Variants in DCP1B observed in about 807,000 individuals in gnomAD.
DCP1B encodes mRNA-decapping enzyme 1B.
A neutral mutation model predicts 60.5 loss-of-function variants in DCP1B; 47 were observed. The ratio of observed to expected loss-of-function variants is 0.78; its 90% CI spans 0.61 to 0.99. DCP1B has a LOEUF of 0.99. Ranked by LOEUF, DCP1B falls within the 50% of genes least tolerant of loss-of-function variation. DCP1B has a pLI of 0.00. For missense variants in DCP1B, 725 were observed against 756.8 expected (o/e 0.96, Z 0.49); for synonymous variants, 267 against 280.3 (o/e 0.95, Z 0.47).
At chr12:1,976,400 A>G (rs1315339756) in intron 3 of DCP1B, among the ~76,000 whole-genome samples, 1 of 152,172 alleles carries the variant, frequency 6.6e-6, no homozygotes, top group Admixed American at 6.5e-5. Context: ...ATGCAGGCTT[A>G]AAAGGAGTCC....
chr12:1,961,291 A>G (rs2031115978), intron 5 of DCP1B: 1 of 152,066 alleles, frequency 6.6e-6, no homozygotes, highest in Non-Finnish European at 1.5e-5. Flanking sequence ...AGGCTTGAAG[A>G]CTCCAAGGGT....
At chr12:2,004,174 AG>A (rs760114823) in intron 1 of DCP1B, 107 bp downstream of exon 1, 1 of 1,481,918 alleles carries the variant, frequency 6.7e-7, no homozygotes, top group African/African-American at 1.5e-5. Flanking sequence ...ACCCACTTCC[AG>A]GGCGTCAACG....
At chr12:1,953,621 T>C (rs1050750771) in intron 6 of DCP1B, among the ~76,000 whole-genome samples, 4 of 152,140 alleles carry the variant, frequency 2.6e-5, no homozygotes, top group African/African-American at 9.7e-5. Flanking sequence ...AAACAATCTG[T>C]TCAATAGGAA....
At chr12:1,985,893 C>T (rs1181571353) in intron 3 of DCP1B, among the ~76,000 whole-genome samples, 2 of 152,174 alleles carry the variant, frequency 1.3e-5, no homozygotes, top group Non-Finnish European at 2.9e-5. Flanking sequence ...TCACTGCAAG[C>T]TCCACCTCCT....
At chr12:1,988,782 C>T (rs113663794) in intron 3 of DCP1B, among the ~76,000 whole-genome samples, 4,167 of 152,242 alleles carry the variant, frequency 0.027, 95 homozygotes, top group Middle Eastern at 0.054. Flanking sequence ...CTGTAATTTT[C>T]CTTTTCATTC....
At chr12:1,954,429 T>C (rs1242181635) in intron 6 of DCP1B, among the ~76,000 whole-genome samples, 2 of 152,162 alleles carry the variant, frequency 1.3e-5, no homozygotes, top group African/African-American at 4.8e-5. Context: ...AGAAAATCTT[T>C]TTAATTAGTC....
intron 3 of DCP1B, among the ~76,000 whole-genome samples, chr12:1,990,350 C>A (rs1237306172): frequency 6.6e-6 from 1 of 152,108 alleles, no homozygotes; most frequent in East Asian, 1.9e-4. Context: ...ACAGGTCAAA[C>A]CCCATTTTAA....
downstream of DCP1B, among the ~76,000 whole-genome samples, chr12:1,945,874 G>A (rs1261115191): frequency 6.6e-6 from 1 of 152,086 alleles, no homozygotes; most frequent in African/African-American, 2.4e-5. Flanking sequence ...CACACACTGG[G>A]GTCTGTCGCG....
At chr12:1,966,860 C>T (rs989452913) in intron 4 of DCP1B, among the ~76,000 whole-genome samples, 1 of 152,218 alleles carries the variant, frequency 6.6e-6, no homozygotes, top group African/African-American at 2.4e-5. Flanking sequence ...TTAAAAGGTG[C>T]TCCCTGTTTT....
At chr12:1,968,266 C>A (rs2031453085) in intron 3 of DCP1B, among the ~76,000 whole-genome samples, 1 of 151,364 alleles carries the variant, frequency 6.6e-6, no homozygotes, top group African/African-American at 2.4e-5. Context: ...GCAGGAGAAT[C>A]GCTTGAACCT....
chr12:1,973,748 G>A (rs961562485), intron 3 of DCP1B, among the ~76,000 whole-genome samples: 3 of 152,158 alleles, frequency 2.0e-5, no homozygotes, highest in Non-Finnish European at 4.4e-5. Context: ...TTAGGAAGCA[G>A]AAAAGTCCAT....
Position 1,950,371 on chromosome 12 carries a change from G to GT in DCP1B, c.1525-1038dup, listed in dbSNP as rs374195446. The GT allele has an allele frequency of 2.0e-3, 1,408 of 702,384 alleles. 8 individuals carry two copies. The highest frequency in any genetic ancestry group is 0.019 in the African/African-American group (1,111 of 57,360). 43.5% of individuals were successfully genotyped at this position (702,384 alleles called of 1,614,324 possible). A position where few individuals can be genotyped will look rare whatever the true frequency, so the allele number is the denominator to read the frequency against. ...CTTTCTCACTCGGCTCTTGATATTT[G>GT]TGAGTACTGAAAAGTCAAGGGAGTT... On this transcript the variant is annotated intron_variant, in intron 7 of 8. Coordinates refer to ENST00000280665, the MANE Select transcript of DCP1B (RefSeq NM_152640.5).
At chr12:1,951,330 T>C (rs570593430) in intron 7 of DCP1B, among the ~76,000 whole-genome samples, 11 of 152,306 alleles carry the variant, frequency 7.2e-5, no homozygotes, top group African/African-American at 2.6e-4. Flanking sequence ...TGATGATATA[T>C]GTGATACACA....
chr12:1,997,980 A>G lies in DCP1B; in HGVS notation c.151-5T>C. 1 of 1,607,998 alleles carries G rather than the reference A, an allele frequency of 6.2e-7. No individual in the cohort carries two copies. Among genetic ancestry groups the G allele is most frequent in the South Asian group, 1.1e-5 (1 of 89,470 alleles). ...TCCTTCCACATCAGTTTTCTCCTAA[A>G]CAATAAAAACAAAACACACAAGACA... On this transcript the variant is annotated splice_region_variant and splice_polypyrimidine_tract_variant and intron_variant, in intron 1 of 8. Coordinates refer to ENST00000280665, the MANE Select transcript of DCP1B (RefSeq NM_152640.5).
chr12:1,996,660 A>C (rs2040984684), intron 2 of DCP1B, among the ~76,000 whole-genome samples: 1 of 66,626 alleles, frequency 1.5e-5, no homozygotes, highest in East Asian at 5.1e-4. Flanking sequence ...AAAAAACAAC[A>C]AACTCTTCTA....
chr12:1,964,941 T>G (rs1490413923), intron 5 of DCP1B, among the ~76,000 whole-genome samples: 3 of 152,142 alleles, frequency 2.0e-5, no homozygotes, highest in Admixed American at 6.5e-5. Context: ...TTCCCAGCTA[T>G]TCTTTCTTGC....
intron 1 of DCP1B, among the ~76,000 whole-genome samples, chr12:2,003,531 C>G (rs879754328): frequency 2.0e-5 from 3 of 152,190 alleles, no homozygotes; most frequent in Non-Finnish European, 4.4e-5. Flanking sequence ...ATCCCTGCAA[C>G]AGGATTCCAG....
At chr12:2,001,247 A>G (rs2042142449) in intron 1 of DCP1B, among the ~76,000 whole-genome samples, 1 of 152,044 alleles carries the variant, frequency 6.6e-6, no homozygotes, top group Non-Finnish European at 1.5e-5. Flanking sequence ...AGCAAAGTCC[A>G]GGGTTAGGGA....
chr12:1,988,834 C>T (rs1388382677), intron 3 of DCP1B, among the ~76,000 whole-genome samples: 2 of 152,186 alleles, frequency 1.3e-5, no homozygotes, highest in African/African-American at 4.8e-5. Flanking sequence ...TTCCCAGATC[C>T]TATGAATGTT....
Sources: gnomAD v4.1 joint callset for allele counts (sites outside exome capture counted in the v4.1 genomes callset) on GRCh38, gnomAD v4.1.1 for gene constraint, MANE v1.5 for transcripts, NCBI Gene and HGNC (gene_info 2026-07-23, HGNC 2026-07-21) for gene names.